The following TMTC2 variants were observed in gnomAD, a reference collection of about 807,000 sequenced individuals.
TMTC2 encodes the protein protein O-mannosyl-transferase TMTC2.
A neutral mutation model predicts 82.4 loss-of-function variants in TMTC2; 43 were observed. The ratio of observed to expected loss-of-function variants is 0.52; its 90% confidence interval spans 0.41 to 0.67. TMTC2 has a LOEUF of 0.67. Ranked by LOEUF, TMTC2 falls within the 30% of genes least tolerant of loss-of-function variation. The pLI, the probability that TMTC2 is intolerant of heterozygous loss-of-function variation, is 0.00. For synonymous variants in TMTC2, 408 were observed against 381.9 expected, an observed-to-expected ratio of 1.07 and a Z score of -0.80; for missense variants, 919 against 1,012.4, an observed-to-expected ratio of 0.91 and a Z score of 1.25.
intron 1 of TMTC2, among the ~76,000 whole-genome samples, chr12:82,832,752 TTC>T (rs1869823030): frequency 6.6e-6 from 1 of 152,348 alleles, no homozygotes; most frequent in Non-Finnish European, 1.5e-5. Context: ...AGTTCTAAAC[TTC>T]TCTGAATTAT....
At chr12:83,118,624 G>C (rs1884847799) in intron 11 of TMTC2, among the ~76,000 whole-genome samples, 1 of 152,116 alleles carries the variant, frequency 6.6e-6, no homozygotes, top group Non-Finnish European at 1.5e-5. Context: ...ATATCAGTCT[G>C]TAGTTTTCTT....
intron 8 of TMTC2, 147 bp from the exon 9 acceptor site, chr12:83,030,651 C>A: frequency 1.9e-6 from 1 of 523,900 alleles, no homozygotes; most frequent in South Asian, 3.1e-5. Context: ...TTTCCTTGAT[C>A]ATCCTCACAT....
chr12:83,129,606 C>G (rs967760354), intron 11 of TMTC2, among the ~76,000 whole-genome samples: 1 of 152,160 alleles, frequency 6.6e-6, no homozygotes, highest in Non-Finnish European at 1.5e-5. Context: ...TCACATCTAC[C>G]TCTTACAGGT....
intron 1 of TMTC2, among the ~76,000 whole-genome samples, chr12:82,777,667 G>A (rs998276550): frequency 2.0e-5 from 3 of 152,074 alleles, no homozygotes; most frequent in African/African-American, 7.2e-5. Context: ...TTAAATTTGA[G>A]GTTGCCTTGC....
At chr12:83,077,074 G>A (rs1166811892) in intron 11 of TMTC2, among the ~76,000 whole-genome samples, 1 of 152,198 alleles carries the variant, frequency 6.6e-6, no homozygotes, top group African/African-American at 2.4e-5. Context: ...TGATAGGGGA[G>A]AGAGATTAGG....
At chr12:83,040,038 A>G (rs188292733) in intron 9 of TMTC2, among the ~76,000 whole-genome samples, 1 of 152,252 alleles carries the variant, frequency 6.6e-6, no homozygotes, top group African/African-American at 2.4e-5. Context: ...TCAGTGTTTA[A>G]CAATTACATT....
At chr12:83,032,918 T>A in intron 9 of TMTC2, among the ~76,000 whole-genome samples, 1 of 152,170 alleles carries the variant, frequency 6.6e-6, no homozygotes. Flanking sequence ...TGTCTTTAAA[T>A]GCATGTGTAA....
At chr12:82,859,317 T>G (rs1472266902) in intron 2 of TMTC2, among the ~76,000 whole-genome samples, 1 of 152,088 alleles carries the variant, frequency 6.6e-6, no homozygotes, top group Admixed American at 6.6e-5. Context: ...CTGCCCGCCT[T>G]GGCCTCCCAA....
At chr12:82,870,192 CT>C (rs1872102591) in intron 2 of TMTC2, among the ~76,000 whole-genome samples, 1 of 152,024 alleles carries the variant, frequency 6.6e-6, no homozygotes, top group South Asian at 2.1e-4. Flanking sequence ...TGAAATTGAG[CT>C]GTTGGTAGTT....
intron 8 of TMTC2, among the ~76,000 whole-genome samples, chr12:83,001,246 C>T (rs570540662): frequency 6.6e-6 from 1 of 152,264 alleles, no homozygotes; most frequent in Non-Finnish European, 1.5e-5. Flanking sequence ...TGTTAGCTCG[C>T]AAATTTTCCA....
At chr12:83,040,396 G>C (rs995198897) in intron 9 of TMTC2, among the ~76,000 whole-genome samples, 3 of 152,160 alleles carry the variant, frequency 2.0e-5, no homozygotes, top group African/African-American at 7.2e-5. Flanking sequence ...GCCCCAGGGA[G>C]GAAGGGCAGC....
intron 1 of TMTC2, among the ~76,000 whole-genome samples, chr12:82,808,454 T>G (rs949251877): frequency 1.6e-4 from 25 of 152,122 alleles, no homozygotes; most frequent in Non-Finnish European, 3.2e-4. Context: ...TATATCATCT[T>G]ATTTAATCTT....
chr12:82,899,796 G>C lies in TMTC2; in HGVS notation c.1483+3150G>C, dbSNP rs184567538. Among the ~76,000 whole-genome samples the C allele has an allele frequency of 1.1e-3, 134 of 123,838 alleles. 2 individuals are homozygous for C. The East Asian group carries it at 0.028, about 26-fold the overall frequency. The allele number at this position is 123,838 out of a possible 152,430, so 81.2% of individuals were successfully genotyped here. A position where few individuals can be genotyped will look rare whatever the true frequency, so the allele number is the denominator to read the frequency against. On this transcript the variant is annotated intron_variant, in intron 3 of 11. Transcript: ENST00000321196. ...ATATATATATAAGAATACATATATA[G>C]GAATATATATATATCCGGAATATAG...
intron 1 of TMTC2, among the ~76,000 whole-genome samples, chr12:82,792,537 G>A (rs1000928970): frequency 2.0e-5 from 3 of 151,998 alleles, no homozygotes; most frequent in Non-Finnish European, 4.4e-5. Flanking sequence ...TGTGATCATG[G>A]CTCACTGCAG....
In TMTC2 at chr12:83,108,160, G is replaced by C. The variant is rs549634646; in HGVS notation, c.2332-24050G>C. 2.8e-4 allele frequency among the ~76,000 whole-genome samples: 42 copies of C among 151,994 alleles called. No homozygotes were observed. The South Asian group carries it at 6.0e-3, about 22-fold the overall frequency. ...ATTAAGCCTCTGTTCTTTATAAATCGCCCAGTCTCAGTTCTTTATAGCAAT... is the reference window on the plus strand; with the variant it reads ...ATTAAGCCTCTGTTCTTTATAAATCCCCCAGTCTCAGTTCTTTATAGCAAT... On this transcript the variant is annotated intron_variant, in intron 11 of 11. Coordinates refer to ENST00000321196, the MANE Select transcript of TMTC2 (RefSeq NM_152588.3).
intron 8 of TMTC2, among the ~76,000 whole-genome samples, chr12:83,027,032 G>GT (rs1008083882): frequency 6.0e-5 from 9 of 151,142 alleles, no homozygotes; most frequent in South Asian, 2.1e-4. Context: ...TGGGATGGTG[G>GT]TTTTTTTTTG....
At chr12:82,859,998 G>A (rs1003417493) in intron 2 of TMTC2, among the ~76,000 whole-genome samples, 5 of 152,130 alleles carry the variant, frequency 3.3e-5, no homozygotes, top group African/African-American at 9.7e-5. Context: ...TTTTGAGACC[G>A]AGTCTTGCCC....
At chr12:82,694,036 G>T (rs1428465734) in intron 1 of TMTC2, among the ~76,000 whole-genome samples, 3 of 150,974 alleles carry the variant, frequency 2.0e-5, no homozygotes, top group African/African-American at 7.3e-5. Context: ...TTTGGGATTG[G>T]TTTTTTGGGT....
chr12:82,688,449 C>G (rs1872433956), intron 1 of TMTC2, among the ~76,000 whole-genome samples: 1 of 152,146 alleles, frequency 6.6e-6, no homozygotes, highest in Admixed American at 6.5e-5. Context: ...GTCAAAGAAA[C>G]TGCATCGATT....
Sources: allele counts gnomAD v4.1 joint callset (sites outside exome capture counted in the v4.1 genomes callset), GRCh38; gene constraint gnomAD v4.1.1; transcripts MANE v1.5; gene names NCBI Gene and HGNC (gene_info 2026-07-23, HGNC 2026-07-21).